Variants in SPATA6 observed in about 807,000 individuals in gnomAD.
SPATA6 encodes spermatogenesis associated 6, also known as spermatogenesis-associated protein 6.
A neutral mutation model predicts 65.3 loss-of-function variants in SPATA6; 56 were observed. The observed-to-expected ratio is 0.86, with a 90% CI of 0.69 to 1.07. SPATA6 has a LOEUF of 1.07. Among genes scored for constraint, SPATA6 ranks in the 50% least tolerant of loss-of-function variants. The probability of loss-of-function intolerance (pLI) is 0.00; values close to 1 mark genes in which losing one functional copy is unlikely to be tolerated. For synonymous variants in SPATA6, 199 were observed against 213.2 expected (o/e 0.93, Z 0.58); for missense variants, 590 against 594.8 (o/e 0.99, Z 0.08).
Position 48,399,616 on chromosome 1 carries a change from A to G in SPATA6, c.515T>C (p.Val172Ala). The change falls in exon 7 of 13, where the codon GTT becomes GCT. Residue 172 changes from valine (V) to alanine (A), a missense_variant. Val to Ala is a moderately conservative substitution (Grantham distance 64). Transcript: ENST00000371847. ...TTGCAGTCTGCCATGTGATTTTTCA[A>G]CTGGAGCCAAATGGTAAATAAATTT... is the stretch of plus-strand genomic sequence containing the variant. ...QDKFIYHLAP[V>A]EKSHGRLQNR... 1 of 1,602,630 alleles carries G rather than the reference A, an allele frequency of 6.2e-7. No individual in the cohort carries two copies. Among genetic ancestry groups the G allele is most frequent in the Non-Finnish European group, 8.5e-7 (1 of 1,173,958 alleles).
Position 48,298,175 on chromosome 1 carries a change from T to C in SPATA6, c.*538A>G, listed in dbSNP as rs1312689464. On this transcript the variant is annotated 3_prime_UTR_variant, in exon 13 of 13. Transcript: ENST00000371847. ...ATATAGTCTTTAAAAAGAAAGCCTA[T>C]GAGCTAAGAAATAGAATAGCCTGTT... is the stretch of plus-strand genomic sequence containing the variant. The C allele has an allele frequency of 6.6e-6, 1 of 152,174 alleles. No homozygotes were observed. The highest frequency in any genetic ancestry group is 2.4e-5 in the African/African-American group (1 of 41,448). 9.4% of individuals were successfully genotyped at this position (152,174 alleles called of 1,614,324 possible).
At chr1:48,316,237 C>T (rs1468827112) in intron 11 of SPATA6, among the ~76,000 whole-genome samples, 3 of 152,060 alleles carry the variant, frequency 2.0e-5, no homozygotes, top group Non-Finnish European at 2.9e-5. Context: ...CAATTCTAAG[C>T]CAAAAGAACA....
intron 3 of SPATA6, among the ~76,000 whole-genome samples, chr1:48,432,782 T>C (rs1032363522): frequency 6.6e-6 from 1 of 152,194 alleles, no homozygotes; most frequent in Non-Finnish European, 1.5e-5. Flanking sequence ...TCTGGATATA[T>C]ATTCAAAAGC....
intron 11 of SPATA6, among the ~76,000 whole-genome samples, chr1:48,327,579 A>T (rs1364843655): frequency 6.6e-6 from 1 of 152,164 alleles, no homozygotes; most frequent in East Asian, 1.9e-4. Context: ...ATAATAACCA[A>T]GTCATGGAAC....
the SPATA6 span, among the ~76,000 whole-genome samples, chr1:48,285,514 G>A: frequency 4.0e-5 from 6 of 151,270 alleles, no homozygotes; most frequent in African/African-American, 1.2e-4. Flanking sequence ...CAGCTAGCTC[G>A]GTGTCTGCCC....
chr1:48,382,633 C>CCG (rs1648834178), intron 9 of SPATA6, among the ~76,000 whole-genome samples: 1 of 48,168 alleles, frequency 2.1e-5, no homozygotes, highest in Non-Finnish European at 5.3e-5. Context: ...TGGCCGACCC[C>CCG]CCCCCCCCCG....
chr1:48,380,544 A>G (rs1452659767), intron 9 of SPATA6, among the ~76,000 whole-genome samples: 1 of 152,234 alleles, frequency 6.6e-6, no homozygotes, highest in Non-Finnish European at 1.5e-5. Flanking sequence ...ACCTTAGGAT[A>G]AAGATTAGTA....
the SPATA6 span, among the ~76,000 whole-genome samples, chr1:48,273,075 A>G: frequency 6.6e-6 from 1 of 152,046 alleles, no homozygotes; most frequent in Non-Finnish European, 1.5e-5. Flanking sequence ...TTGTCTTTAC[A>G]TTTTGTTGAT....
intron 3 of SPATA6, among the ~76,000 whole-genome samples, chr1:48,426,335 T>G (rs1416722080): frequency 1.3e-5 from 2 of 152,044 alleles, no homozygotes; most frequent in East Asian, 3.9e-4. Context: ...AATTCAAAAG[T>G]TGTACAATAG....
intron 3 of SPATA6, among the ~76,000 whole-genome samples, chr1:48,428,809 GTATA>G (rs1553169231): frequency 1.0e-4 from 14 of 137,662 alleles, no homozygotes; most frequent in South Asian, 7.4e-4. Flanking sequence ...GTGTGTGTGT[GTATA>G]TGTATATATA....
At chr1:48,294,821 G>A (rs1644790227), downstream of SPATA6, among the ~76,000 whole-genome samples, 1 of 152,052 alleles carries the variant, frequency 6.6e-6, no homozygotes, top group African/African-American at 2.4e-5. Flanking sequence ...CATAGCATTT[G>A]CAACCTTGCA....
the SPATA6 span, among the ~76,000 whole-genome samples, chr1:48,270,737 A>AG: frequency 6.6e-6 from 1 of 151,794 alleles, no homozygotes; most frequent in African/African-American, 2.4e-5. Context: ...AAAAAAAAAA[A>AG]CCATCTTCCC....
At chr1:48,465,504 A>T (rs939488769) in intron 1 of SPATA6, among the ~76,000 whole-genome samples, 1 of 152,180 alleles carries the variant, frequency 6.6e-6, no homozygotes, top group Non-Finnish European at 1.5e-5. Flanking sequence ...ACCCAAAATC[A>T]TCCTTTTACA....
chr1:48,287,192 G>C, the SPATA6 span, among the ~76,000 whole-genome samples: 16 of 152,248 alleles, frequency 1.1e-4, no homozygotes, highest in East Asian at 3.1e-3. Context: ...AAAAGCCTGG[G>C]TTAAGAGAGT....
chr1:48,440,072 C>A (rs544451446), intron 3 of SPATA6, among the ~76,000 whole-genome samples: 1 of 152,170 alleles, frequency 6.6e-6, no homozygotes, highest in African/African-American at 2.4e-5. Context: ...TCCTAGCCTC[C>A]CCATAGCTCC....
At chr1:48,369,524 C>G (rs1647161610) in intron 9 of SPATA6, among the ~76,000 whole-genome samples, 1 of 152,200 alleles carries the variant, frequency 6.6e-6, no homozygotes, top group African/African-American at 2.4e-5. Context: ...GCAGTTTGAT[C>G]TCAGACTGCT....
At chr1:48,470,629 A>G (rs1658167576) in intron 1 of SPATA6, among the ~76,000 whole-genome samples, 1 of 152,104 alleles carries the variant, frequency 6.6e-6, no homozygotes, top group Non-Finnish European at 1.5e-5. Context: ...AGACCTAACA[A>G]AAGACCTAAA....
chr1:48,281,440 G>A, the SPATA6 span, among the ~76,000 whole-genome samples: 2,419 of 152,174 alleles, frequency 0.016, 65 homozygotes, highest in African/African-American at 0.055. Flanking sequence ...AAACGCCATC[G>A]TCTCAGCCCA....
At chr1:48,444,953 C>T (rs1655875249) in intron 3 of SPATA6, among the ~76,000 whole-genome samples, 1 of 152,178 alleles carries the variant, frequency 6.6e-6, no homozygotes, top group Non-Finnish European at 1.5e-5. Flanking sequence ...CCTTGACAAT[C>T]TGGAGCATGT....
Sources: gnomAD v4.1 joint callset for allele counts (sites outside exome capture counted in the v4.1 genomes callset) on GRCh38, gnomAD v4.1.1 for gene constraint, MANE v1.5 for transcripts, NCBI Gene and HGNC (gene_info 2026-07-23, HGNC 2026-07-21) for gene names.